The following UBE2D2 variants were observed in gnomAD, a reference collection of about 807,000 sequenced individuals.
The protein encoded by UBE2D2 is ubiquitin conjugating enzyme E2 D2, also known as ubiquitin-conjugating enzyme E2 D2.
UBE2D2 carries 2 observed loss-of-function variants against 24.2 expected under a neutral mutation model. That is an observed-to-expected ratio of 0.08 (90% CI 0.03 to 0.26). UBE2D2 has a LOEUF of 0.26. Ranked by LOEUF, UBE2D2 falls within the 10% of genes least tolerant of loss-of-function variation. UBE2D2 has a pLI of 1.00. For synonymous variants in UBE2D2, 58 were observed against 56.5 expected (o/e 1.03, Z -0.12); for missense variants, 44 against 177.6 (o/e 0.25, Z 4.28).
chr5:139,577,094 G>A (rs1018634479), intron 1 of UBE2D2, among the ~76,000 whole-genome samples: 4 of 151,688 alleles, frequency 2.6e-5, no homozygotes, highest in Admixed American at 2.0e-4. Flanking sequence ...GAGATTGTCT[G>A]TCTGTAGGAA....
intron 1 of UBE2D2, among the ~76,000 whole-genome samples, chr5:139,547,290 C>CA (rs989205148): frequency 4.5e-4 from 67 of 150,362 alleles, no homozygotes; most frequent in African/African-American, 1.5e-3. Flanking sequence ...GACTCCGTCT[C>CA]AAAAAAAAAG....
Position 139,542,438 on chromosome 5 carries a change from C to T in UBE2D2, c.-64+15826C>T, listed in dbSNP as rs145076072. On this transcript the variant is annotated intron_variant, in intron 1 of 6. Transcript: ENST00000511725. ...GGGCTGGAGTGCAGTGGCAGGATCTCGGCTCACTGCAACCCCGCCTCCTGG... is the reference window on the plus strand; with the variant it reads ...GGGCTGGAGTGCAGTGGCAGGATCTTGGCTCACTGCAACCCCGCCTCCTGG... 5.0e-3 allele frequency among the ~76,000 whole-genome samples: 759 copies of T among 152,144 alleles called. 7 individuals are homozygous for T. Among genetic ancestry groups the T allele is most frequent in the African/African-American group, 0.017 (720 of 41,520 alleles).
intron 1 of UBE2D2, among the ~76,000 whole-genome samples, chr5:139,585,935 CAAAAAAAAAAAAAAAA>C (rs60277561): frequency 3.1e-4 from 8 of 25,562 alleles, no homozygotes; most frequent in Non-Finnish European, 7.5e-4. Context: ...GACTCTGTCT[CAAAAAAAAAAAAAAAA>C]AAAAAAAAAA....
upstream of UBE2D2, chr5:139,561,299 C>T (rs577029299): frequency 6.5e-6 from 1 of 152,844 alleles, no homozygotes; most frequent in South Asian, 2.1e-4. Context: ...CCCCGCGCCT[C>T]CCGACCTGCC....
chr5:139,582,560 G>T (rs958767453), intron 1 of UBE2D2, among the ~76,000 whole-genome samples: 2 of 150,962 alleles, frequency 1.3e-5, no homozygotes, highest in East Asian at 3.9e-4. Context: ...ATTTAACAGT[G>T]TTTTAACTGC....
chr5:139,591,247 A>G lies in UBE2D2; in HGVS notation c.25-9125A>G, dbSNP rs182313992. On this transcript the variant is annotated intron_variant, in intron 1 of 6. Transcript: ENST00000398733. ...GCAATTCTCCTGCCTCAGCCTCCCA[A>G]GTAGCTGGTATTACAGGCATGCACC... Among the ~76,000 whole-genome samples the G allele has an allele frequency of 2.5e-4, 38 of 150,768 alleles. 1 individual carries two copies. Among genetic ancestry groups the G allele is most frequent in the African/African-American group, 9.0e-4 (37 of 40,950 alleles).
At position 139,575,936 on chromosome 5, in the gene UBE2D2, T is replaced by C. The variant is rs565934888; in HGVS notation, c.24+14121T>C. On this transcript the variant is annotated intron_variant, in intron 1 of 6. Transcript: ENST00000398733. ...GGAAGACTGAGGTGGAAGAGGAGGATCTCTTGAGGCCCAGAGTTCAAGGCG... is the reference window on the plus strand; with the variant it reads ...GGAAGACTGAGGTGGAAGAGGAGGACCTCTTGAGGCCCAGAGTTCAAGGCG... Among the ~76,000 whole-genome samples the C allele has an allele frequency of 7.2e-5, 11 of 152,236 alleles. No individual in the cohort carries two copies. In the South Asian group the frequency reaches 2.1e-3, roughly 29 times the overall value.
At chr5:139,563,486 AT>A (rs1008589816) in intron 1 of UBE2D2, among the ~76,000 whole-genome samples, 3 of 152,088 alleles carry the variant, frequency 2.0e-5, no homozygotes, top group South Asian at 4.2e-4. Flanking sequence ...TCCAAAAAAA[AT>A]ATATACATAT....
chr5:139,536,297 C>T (rs1752681398), intron 1 of UBE2D2, among the ~76,000 whole-genome samples: 1 of 151,246 alleles, frequency 6.6e-6, no homozygotes, highest in Non-Finnish European at 1.5e-5. Context: ...CAGGGTTTCT[C>T]CACATTGGTC....
chr5:139,615,378 G>A (rs1275053128), intron 5 of UBE2D2, among the ~76,000 whole-genome samples: 3 of 152,096 alleles, frequency 2.0e-5, no homozygotes, highest in South Asian at 4.1e-4. Context: ...CCAGCTACTC[G>A]GGAGGCTGAG....
chr5:139,555,840 C>G lies in UBE2D2; in HGVS notation c.-64+29228C>G, dbSNP rs189607926. Among the ~76,000 whole-genome samples the G allele has an allele frequency of 2.8e-5, 4 of 142,676 alleles. No homozygotes were observed. The East Asian group carries it at 8.6e-4, about 31-fold the overall frequency. The allele number at this position is 142,676 out of a possible 152,430, so 93.6% of individuals were successfully genotyped here. A position where few individuals can be genotyped will look rare whatever the true frequency, so the allele number is the denominator to read the frequency against. ...ACTTGGGAGGCTGAGGCAGGAGAAT[C>G]GCTTGAACCCGGGAGGCAGAGGTTG... On this transcript the variant is annotated intron_variant, in intron 1 of 6. Transcript: ENST00000511725.
rs540189253 is a variant in UBE2D2 at position 139,586,343 on chromosome 5, A to G, written c.25-14029A>G. Reference sequence around the variant, plus strand: ...CACTGACTTTAAAACTGCTTTTCCCATAGCTGACTTTTCTTACTTAACAGT... The same window carrying G: ...CACTGACTTTAAAACTGCTTTTCCCGTAGCTGACTTTTCTTACTTAACAGT... On this transcript the variant is annotated intron_variant, in intron 1 of 6. Transcript: ENST00000398733. Among the ~76,000 whole-genome samples, 5 of 152,334 alleles carry G rather than the reference A, an allele frequency of 3.3e-5. No homozygotes were observed. The East Asian group carries it at 7.7e-4, about 23-fold the overall frequency.
In UBE2D2 at chr5:139,626,868, G is replaced by C; in HGVS notation, c.*67G>C. 7.0e-7 allele frequency: 1 copy of C among 1,434,580 alleles called. No homozygotes were observed. The allele number at this position is 1,434,580 out of a possible 1,614,324, so 88.9% of individuals were successfully genotyped here. A position where few individuals can be genotyped will look rare whatever the true frequency, so the allele number is the denominator to read the frequency against. ...GAACTCTGAAAGAGAAAGTCCTTTTGATTTCCATTTGACTGCTTTCTATGA... is the reference window on the plus strand; with the variant it reads ...GAACTCTGAAAGAGAAAGTCCTTTTCATTTCCATTTGACTGCTTTCTATGA... On this transcript the variant is annotated 3_prime_UTR_variant, in exon 7 of 7. Coordinates refer to ENST00000398733, the MANE Select transcript of UBE2D2 (RefSeq NM_003339.3).
intron 2 of UBE2D2, among the ~76,000 whole-genome samples, chr5:139,610,557 T>A (rs181518735): frequency 0.01 from 1,519 of 149,976 alleles, 7 homozygotes; most frequent in African/African-American, 0.016. Context: ...AAATATATTT[T>A]TTTTTTTGCT....
intron 1 of UBE2D2, among the ~76,000 whole-genome samples, chr5:139,546,855 TTCCTTCCTTCCTTCC>T (rs1207819738): frequency 6.8e-6 from 1 of 147,812 alleles, no homozygotes; most frequent in Non-Finnish European, 1.5e-5. Flanking sequence ...CCTTCCTTCC[TTCCTTCCTTCCTTCC>T]TTTCTTTCCT....
chr5:139,612,961 A>G (rs1214551022), intron 2 of UBE2D2, among the ~76,000 whole-genome samples: 1 of 152,160 alleles, frequency 6.6e-6, no homozygotes, highest in African/African-American at 2.4e-5. Flanking sequence ...GGGGCTTTTT[A>G]TAGGACTTCC....
chr5:139,562,786 T>A (rs1021536642), intron 1 of UBE2D2, among the ~76,000 whole-genome samples: 1 of 152,212 alleles, frequency 6.6e-6, no homozygotes, highest in Non-Finnish European at 1.5e-5. Context: ...GCTTAAAATT[T>A]ATTTTTTTTC....
At chr5:139,562,118 C>T (rs746298402) in intron 1 of UBE2D2, 25 of 1,066,070 alleles carry the variant, frequency 2.3e-5, no homozygotes, top group African/African-American at 4.8e-5. Flanking sequence ...CACTTGAGGG[C>T]CATTGTCGGG....
intron 5 of UBE2D2, among the ~76,000 whole-genome samples, chr5:139,616,893 T>C (rs1256441118): frequency 6.6e-6 from 1 of 152,108 alleles, no homozygotes; most frequent in African/African-American, 2.4e-5. Flanking sequence ...AAAAGAGTAT[T>C]GACCCTGGCC....
Sources: gnomAD v4.1 joint callset for allele counts (sites outside exome capture counted in the v4.1 genomes callset) on GRCh38, gnomAD v4.1.1 for gene constraint, MANE v1.5 for transcripts, NCBI Gene and HGNC (gene_info 2026-07-23, HGNC 2026-07-21) for gene names.